Variants in ENAH observed in about 807,000 individuals in gnomAD.
ENAH encodes the protein ENAH actin regulator.
ENAH carries 23 observed loss-of-function variants against 78.7 expected under a neutral mutation model. The ratio of observed to expected loss-of-function variants is 0.29; its 90% confidence interval spans 0.21 to 0.41. The LOEUF is 0.41. ENAH is among the 10% of genes least tolerant of loss of function. ENAH has a pLI of 1.00. For missense variants in ENAH, 544 were observed against 691.0 expected (o/e 0.79, Z 2.39); for synonymous variants, 226 against 241.0 (o/e 0.94, Z 0.58).
rs1262765770 is a variant in ENAH at position 225,640,202 on chromosome 1, G to C, written c.5+12484C>G. ...TTCATGTGATCTTACAATTTTCTCAGAAAAATTATGTAAAATTTTTTAAGC... is the reference window on the plus strand; with the variant it reads ...TTCATGTGATCTTACAATTTTCTCACAAAAATTATGTAAAATTTTTTAAGC... On this transcript the variant is annotated intron_variant, in intron 1 of 13. Transcript: ENST00000366843. Among the ~76,000 whole-genome samples, 4 of 152,130 alleles carry C rather than the reference G, an allele frequency of 2.6e-5. No homozygotes were observed. In the East Asian group the frequency reaches 7.7e-4, roughly 29 times the overall value.
intron 1 of ENAH, among the ~76,000 whole-genome samples, chr1:225,646,420 G>A (rs1041613060): frequency 2.6e-4 from 40 of 152,156 alleles, no homozygotes; most frequent in African/African-American, 9.6e-4. Flanking sequence ...ACCATGTGAG[G>A]ACACAGAGAG....
chr1:225,537,957 G>C (rs1164786383), intron 3 of ENAH, among the ~76,000 whole-genome samples: 1 of 152,276 alleles, frequency 6.6e-6, no homozygotes, highest in East Asian at 1.9e-4. Flanking sequence ...CTGCATTCAT[G>C]ATTTTCACAA....
In ENAH at chr1:225,495,516, G is replaced by A. The variant is rs554634164; in HGVS notation, c.*2259C>T. ...TACATCATGTTAATATTAGACCAAG[G>A]CACAAAACGTTTAGTGCATAAACCC... is the stretch of plus-strand genomic sequence containing the variant. On this transcript the variant is annotated 3_prime_UTR_variant, in exon 14 of 14. Transcript: ENST00000366843. 4 of 129,016 alleles carry A rather than the reference G, an allele frequency of 3.1e-5. No individual in the cohort carries two copies. The highest frequency in any genetic ancestry group is 1.2e-4 in the African/African-American group (4 of 33,550). The allele number at this position is 129,016 out of a possible 1,614,324, so 8.0% of individuals were successfully genotyped here.
intron 3 of ENAH, among the ~76,000 whole-genome samples, chr1:225,553,199 A>T (rs1213270083): frequency 6.6e-6 from 1 of 152,140 alleles, no homozygotes; most frequent in African/African-American, 2.4e-5. Context: ...GCGTCACTGC[A>T]CTCCAGCCTG....
At chr1:225,570,167 T>A (rs1448214537) in intron 1 of ENAH, among the ~76,000 whole-genome samples, 1 of 120,518 alleles carries the variant, frequency 8.3e-6, no homozygotes, top group African/African-American at 3.0e-5. Context: ...CAATGCTCCA[T>A]CTCAAAAAAA....
At position 225,507,953 on chromosome 1, in the gene ENAH, G is replaced by C; in HGVS notation, c.1536C>G (p.Ser512=). 1 of 1,539,824 alleles carries C rather than the reference G, an allele frequency of 6.5e-7. No individual in the cohort carries two copies. The highest frequency in any genetic ancestry group is 8.7e-7 in the Non-Finnish European group (1 of 1,152,128). Residue 512 remains serine, a splice_region_variant and synonymous_variant, in exon 11 of 14, where the codon TCC becomes TCG. Coordinates refer to ENST00000366843, the MANE Select transcript of ENAH (RefSeq NM_018212.6). ...TMNGSKSPVI[S]RPKSTPLSQP... The stretch of plus-strand genomic sequence containing the variant: ...AACTTAGAGAAAAAAATTGATACCT[G>C]GAGATAACAGGTGACTTGCTGCCAT...
chr1:225,505,959 G>C (rs951921855), intron 11 of ENAH, among the ~76,000 whole-genome samples: 2 of 151,788 alleles, frequency 1.3e-5, no homozygotes, highest in Non-Finnish European at 2.9e-5. Flanking sequence ...GTGACCTTTA[G>C]AGCACTTATT....
chr1:225,507,952 T>A lies in ENAH; in HGVS notation c.1537A>T (p.Arg513Ter). The change falls in exon 11 of 14, where the codon AGA (arginine) becomes TGA (stop). Residue 513 changes from arginine to a stop codon, truncating the protein, a stop_gained and splice_region_variant. Coordinates refer to ENST00000366843, the MANE Select transcript of ENAH (RefSeq NM_018212.6). LOFTEE classifies it high-confidence loss of function. ...MNGSKSPVISRPKSTPLSQPS... is the reference protein window; with the variant it reads ...MNGSKSPVIS ...AAACTTAGAGAAAAAAATTGATACC[T>A]GGAGATAACAGGTGACTTGCTGCCA... is the stretch of plus-strand genomic sequence containing the variant. 6.5e-7 allele frequency: 1 copy of A among 1,542,048 alleles called. No homozygotes were observed.
chr1:225,615,615 C>A (rs1010525218), intron 1 of ENAH, among the ~76,000 whole-genome samples: 2 of 151,718 alleles, frequency 1.3e-5, no homozygotes, highest in African/African-American at 2.4e-5. Flanking sequence ...TCTGCCCGGC[C>A]GCCCGGCGTC....
At chr1:225,506,844 A>T (rs2096334776) in intron 11 of ENAH, among the ~76,000 whole-genome samples, 1 of 152,182 alleles carries the variant, frequency 6.6e-6, no homozygotes, top group Non-Finnish European at 1.5e-5. Context: ...AACACAGAAC[A>T]GGTCTGTGAT....
chr1:225,512,785 A>G, intron 8 of ENAH, 71 bp from the exon 9 acceptor site: 1 of 1,608,724 alleles, frequency 6.2e-7, no homozygotes, highest in Non-Finnish European at 8.5e-7. Flanking sequence ...CTCTACGAGG[A>G]AAGAAGTGCA....
intron 1 of ENAH, among the ~76,000 whole-genome samples, chr1:225,644,187 T>G (rs1661551334): frequency 6.6e-6 from 1 of 152,110 alleles, no homozygotes; most frequent in Admixed American, 6.5e-5. Context: ...AATAAATGTT[T>G]TATACTTTCC....
At chr1:225,611,797 C>T (rs2096991058) in intron 1 of ENAH, among the ~76,000 whole-genome samples, 2 of 151,842 alleles carry the variant, frequency 1.3e-5, no homozygotes, top group African/African-American at 4.8e-5. Flanking sequence ...TACTCAACGG[C>T]CAACAAGCAC....
intron 1 of ENAH, among the ~76,000 whole-genome samples, chr1:225,590,082 AACACACACACACACACAC>A (rs3050220): frequency 3.0e-4 from 39 of 131,496 alleles, no homozygotes; most frequent in African/African-American, 4.0e-4. Flanking sequence ...CTCATCACTC[AACACACACACACACACAC>A]ACACACACAC....
chr1:225,602,873 G>A (rs2096937918), intron 1 of ENAH, among the ~76,000 whole-genome samples: 1 of 151,938 alleles, frequency 6.6e-6, no homozygotes, highest in African/African-American at 2.4e-5. Flanking sequence ...ATCTATAAAT[G>A]TAATGCAATC....
At position 225,514,423 on chromosome 1, in the gene ENAH, C is replaced by CCA. The variant is rs201929483; in HGVS notation, c.1218+171_1218+172dup. On this transcript the variant is annotated intron_variant, in intron 7 of 13. Transcript: ENST00000366843. ...CAGGTGATCCGCCCACCCCAGCCTC[C>CCA]CAAAGTGCAGGGATTATACAGGTAT... Among the ~76,000 whole-genome samples, 528 of 152,054 alleles carry CCA rather than the reference C, an allele frequency of 3.5e-3. 3 individuals carry two copies. Among genetic ancestry groups the CCA allele is most frequent in the African/African-American group, 0.012 (509 of 41,458 alleles).
At position 225,552,621 on chromosome 1, in the gene ENAH, A is replaced by G. The variant is rs77694469; in HGVS notation, c.349+2285T>C. Reference sequence around the variant, plus strand: ...TTCCATGATGAAAAACTACAGAACTAAAAGCTTCCTTGCCAGTGACTGATC... The same window carrying G: ...TTCCATGATGAAAAACTACAGAACTGAAAGCTTCCTTGCCAGTGACTGATC... On this transcript the variant is annotated intron_variant, in intron 3 of 13. Transcript: ENST00000366843. Among the ~76,000 whole-genome samples, 135 of 152,338 alleles carry G rather than the reference A, an allele frequency of 8.9e-4. 2 individuals carry two copies. The East Asian group carries it at 0.023, about 26-fold the overall frequency.
intron 1 of ENAH, among the ~76,000 whole-genome samples, chr1:225,604,622 A>C (rs1425828689): frequency 1.1e-5 from 1 of 94,688 alleles, no homozygotes; most frequent in African/African-American, 6.5e-5. Context: ...CGTCTCTACC[A>C]AAAAAAAAAA....
rs1026695603 is a variant in ENAH at position 225,572,828 on chromosome 1, T to C, written c.6-5414A>G. Among the ~76,000 whole-genome samples the C allele has an allele frequency of 5.3e-5, 8 of 152,258 alleles. No homozygotes were observed. In the East Asian group the frequency reaches 1.3e-3, roughly 26 times the overall value. ...GTTATAAACAAAAACTTCATTTTTA[T>C]GACCCAGTGCAATTGGTATATATAG... On this transcript the variant is annotated intron_variant, in intron 1 of 13. Transcript: ENST00000366843.
Sources: gnomAD v4.1 joint callset for allele counts (sites outside exome capture counted in the v4.1 genomes callset) on GRCh38, gnomAD v4.1.1 for gene constraint, MANE v1.5 for transcripts, NCBI Gene and HGNC (gene_info 2026-07-23, HGNC 2026-07-21) for gene names.